ADARB2: variants seen among roughly 807,000 people sequenced by gnomAD.
ADARB2 encodes adenosine deaminase RNA specific B2 (inactive), also known as inactive double-stranded RNA-specific editase B2.
In ADARB2, 25 loss-of-function variants were observed where a neutral mutation model predicts 62.2. The observed-to-expected ratio is 0.40, with a 90% CI of 0.29 to 0.56. ADARB2 has a LOEUF of 0.56. Ranked by LOEUF, ADARB2 falls within the 20% of genes least tolerant of loss-of-function variation. The probability of loss-of-function intolerance (pLI) is 0.43; values close to 1 mark genes in which losing one functional copy is unlikely to be tolerated. For missense variants in ADARB2, 1,071 were observed against 1,077.4 expected, an observed-to-expected ratio of 0.99 and a Z score of 0.08; for synonymous variants, 572 against 500.8, an observed-to-expected ratio of 1.14 and a Z score of -1.90.
rs78152346 is a variant in ADARB2 at position 1,464,302 on chromosome 10, C to T, written c.101-85142G>A. ...ACACACGCGCTGGGGACAGTCACAG[C>T]AGGCAGCGCGCCGGAGAAGAGGGTG... On this transcript the variant is annotated intron_variant, in intron 1 of 9. Transcript: ENST00000381312. Among the ~76,000 whole-genome samples the T allele has an allele frequency of 6.2e-3, 729 of 117,230 alleles. 3 individuals carry two copies. Among genetic ancestry groups the T allele is most frequent in the Non-Finnish European group, 7.3e-3 (401 of 55,012 alleles). The allele number at this position is 117,230 out of a possible 152,430, so 76.9% of individuals were successfully genotyped here.
chr10:1,548,141 A>T (rs959134035), intron 1 of ADARB2, among the ~76,000 whole-genome samples: 4 of 152,080 alleles, frequency 2.6e-5, no homozygotes, highest in African/African-American at 9.7e-5. Context: ...GCTCAGGTGA[A>T]CTTTCCCAGC....
At chr10:1,337,511 C>G (rs540736480) in intron 3 of ADARB2, among the ~76,000 whole-genome samples, 1 of 152,174 alleles carries the variant, frequency 6.6e-6, no homozygotes, top group South Asian at 2.1e-4. Context: ...TACAATAAAA[C>G]TTCAGCTGAC....
chr10:1,430,925 T>C (rs1830771755), intron 1 of ADARB2, among the ~76,000 whole-genome samples: 1 of 152,184 alleles, frequency 6.6e-6, no homozygotes, highest in East Asian at 1.9e-4. Flanking sequence ...AAGCAAAAAG[T>C]GACAGACCTG....
At chr10:1,421,818 C>T (rs752789895) in intron 1 of ADARB2, among the ~76,000 whole-genome samples, 9 of 152,200 alleles carry the variant, frequency 5.9e-5, no homozygotes, top group African/African-American at 1.9e-4. Flanking sequence ...TTAGAACACT[C>T]GGAGAGCTCC....
rs1836629876 is a variant in ADARB2, at chr10:1,179,165, G to C, written c.*4028C>G. The C allele has an allele frequency of 6.6e-6, 1 of 151,804 alleles. No homozygotes were observed. Among genetic ancestry groups the C allele is most frequent in the African/African-American group, 2.4e-5 (1 of 41,280 alleles). The allele number at this position is 151,804 out of a possible 1,614,324, so 9.4% of individuals were successfully genotyped here. ...ACTATTCTGGGCATTGATATCCTCT[G>C]TATTTACTGTTTATGGCTCTCCAGA... On this transcript the variant is annotated 3_prime_UTR_variant, in exon 10 of 10. Coordinates refer to ENST00000381312, the MANE Select transcript of ADARB2 (RefSeq NM_018702.4).
At chr10:1,263,833 C>G (rs150985462) in intron 4 of ADARB2, among the ~76,000 whole-genome samples, 373 of 152,158 alleles carry the variant, frequency 2.5e-3, no homozygotes, top group African/African-American at 8.3e-3. Flanking sequence ...TTTAAATGAG[C>G]CAGGCTAAAC....
intron 3 of ADARB2, among the ~76,000 whole-genome samples, chr10:1,314,716 C>T (rs1201705552): frequency 1.3e-5 from 2 of 152,118 alleles, no homozygotes; most frequent in African/African-American, 4.8e-5. Flanking sequence ...GGGAGAGGGG[C>T]CCCTGAGAGC....
intron 1 of ADARB2, among the ~76,000 whole-genome samples, chr10:1,534,327 G>A (rs1335814621): frequency 1.3e-5 from 2 of 152,040 alleles, no homozygotes; most frequent in East Asian, 3.9e-4. Flanking sequence ...AATAGAGACG[G>A]GGGCTTCACC....
At chr10:1,384,463 T>G (rs1213835765) in intron 1 of ADARB2, among the ~76,000 whole-genome samples, 1 of 152,214 alleles carries the variant, frequency 6.6e-6, no homozygotes, top group Non-Finnish European at 1.5e-5. Flanking sequence ...AAGGCTTTGC[T>G]GGCCGTGAAT....
At chr10:1,661,478 TGG>T (rs1345835421) in intron 1 of ADARB2, among the ~76,000 whole-genome samples, 1 of 152,210 alleles carries the variant, frequency 6.6e-6, no homozygotes, top group Admixed American at 6.5e-5. Flanking sequence ...CTTTCCTTCA[TGG>T]TCTTTATTTT....
chr10:1,344,592 A>T (rs970754364), intron 3 of ADARB2, among the ~76,000 whole-genome samples: 7 of 152,158 alleles, frequency 4.6e-5, no homozygotes, highest in Non-Finnish European at 1.0e-4. Flanking sequence ...CGACCCCAGC[A>T]CCCTTCTGGC....
At chr10:1,624,295 T>C (rs1833741156) in intron 1 of ADARB2, among the ~76,000 whole-genome samples, 2 of 152,118 alleles carry the variant, frequency 1.3e-5, no homozygotes, top group Non-Finnish European at 1.5e-5. Flanking sequence ...AGAAAGAGAA[T>C]AAGAATCCAG....
chr10:1,199,979 C>A lies in ADARB2; in HGVS notation c.1851G>T (p.Arg617=). Residue 617 remains arginine (R), a synonymous_variant, in exon 8 of 10, where the codon CGG becomes CGT. Transcript: ENST00000381312. ...GGGGGTTCTTACCGCTGAGGAGAGG[C>A]CGGTTGTGCCGGTAGGAGGCGGGCA... The part of the protein sequence containing the change: ...GQLPASYRHN[R]PLLSGVSDAE... The A allele has an allele frequency of 6.4e-7, 1 of 1,560,350 alleles. No homozygotes were observed.
intron 1 of ADARB2, chr10:1,675,992 C>T (rs1175336889): frequency 6.1e-6 from 6 of 984,518 alleles, no homozygotes; most frequent in Non-Finnish European, 7.2e-6. Context: ...TGCATCCCAC[C>T]CACCCCCGAC....
intron 6 of ADARB2, among the ~76,000 whole-genome samples, chr10:1,230,387 G>T (rs563880585): frequency 7.2e-5 from 11 of 152,174 alleles, no homozygotes; most frequent in Non-Finnish European, 1.5e-4. Flanking sequence ...TTTCCTTTGG[G>T]GGCTTGTCAC....
chr10:1,721,923 G>C (rs191169318), intron 1 of ADARB2, among the ~76,000 whole-genome samples: 122 of 152,286 alleles, frequency 8.0e-4, no homozygotes, highest in Non-Finnish European at 7.5e-4. Flanking sequence ...CTGGTGATCA[G>C]AGATTGATAC....
intron 1 of ADARB2, among the ~76,000 whole-genome samples, chr10:1,486,929 G>C (rs1230432429): frequency 6.6e-6 from 1 of 152,242 alleles, no homozygotes; most frequent in Admixed American, 6.5e-5. Context: ...GAAGAGGAAA[G>C]AAGAGAGAAC....
At chr10:1,626,656 T>G (rs979179316) in intron 1 of ADARB2, among the ~76,000 whole-genome samples, 7 of 151,972 alleles carry the variant, frequency 4.6e-5, no homozygotes, top group Non-Finnish European at 1.0e-4. Context: ...GCCCCCACAC[T>G]CGACATGGAA....
chr10:1,540,258 A>G (rs1832399066), intron 1 of ADARB2, among the ~76,000 whole-genome samples: 1 of 152,182 alleles, frequency 6.6e-6, no homozygotes, highest in Admixed American at 6.5e-5. Flanking sequence ...CATCTGATTT[A>G]GGAAATGAAG....
Sources: gnomAD v4.1 joint callset for allele counts (sites outside exome capture counted in the v4.1 genomes callset) on GRCh38, gnomAD v4.1.1 for gene constraint, MANE v1.5 for transcripts, NCBI Gene and HGNC (gene_info 2026-07-23, HGNC 2026-07-21) for gene names.